Variants in AGBL4 observed in about 807,000 individuals in gnomAD.
AGBL4 encodes the protein cytosolic carboxypeptidase 6.
AGBL4 carries 58 observed loss-of-function variants against 66.4 expected under a neutral mutation model. That is an observed-to-expected ratio of 0.87 (90% CI 0.71 to 1.09). The LOEUF is 1.09. Among genes scored for constraint, AGBL4 ranks in the 50% least tolerant of loss-of-function variants. The pLI, the probability that AGBL4 is intolerant of heterozygous loss-of-function variation, is 0.00. For synonymous variants in AGBL4, 234 were observed against 222.9 expected (o/e 1.05, Z -0.44); for missense variants, 579 against 631.0 (o/e 0.92, Z 0.88).
At chr1:49,689,914 G>C (rs926628844) in intron 3 of AGBL4, among the ~76,000 whole-genome samples, 2 of 152,154 alleles carry the variant, frequency 1.3e-5, no homozygotes, top group African/African-American at 4.8e-5. Context: ...AATGCTATCA[G>C]AGAGCTTCAC....
At chr1:48,563,117 A>T (rs114827352) in intron 11 of AGBL4, among the ~76,000 whole-genome samples, 1 of 152,182 alleles carries the variant, frequency 6.6e-6, no homozygotes, top group Non-Finnish European at 1.5e-5. Flanking sequence ...GGCTGTGCCC[A>T]CTGTGGAAAG....
intron 1 of AGBL4, among the ~76,000 whole-genome samples, chr1:49,921,981 C>CCTA (rs1376549590): frequency 6.6e-6 from 1 of 152,190 alleles, no homozygotes; most frequent in African/African-American, 2.4e-5. Context: ...AATCCAATCA[C>CCTA]ATTGACACCT....
intron 3 of AGBL4, 186 bp downstream of exon 3, chr1:49,697,127 C>G: frequency 1.9e-6 from 1 of 527,802 alleles, no homozygotes; most frequent in Non-Finnish European, 3.2e-6. Flanking sequence ...ATTTAATAAC[C>G]ATCAGATAAC....
chr1:49,075,140 T>C (rs942204918), intron 4 of AGBL4, among the ~76,000 whole-genome samples: 2 of 152,238 alleles, frequency 1.3e-5, no homozygotes, highest in African/African-American at 2.4e-5. Context: ...AACATTTGTG[T>C]ATACGTTCAT....
At chr1:48,995,647 G>T (rs1490963353) in intron 5 of AGBL4, among the ~76,000 whole-genome samples, 2 of 152,212 alleles carry the variant, frequency 1.3e-5, no homozygotes, top group Non-Finnish European at 2.9e-5. Context: ...ATTCTCTGAG[G>T]AGGAGACCCA....
intron 6 of AGBL4, among the ~76,000 whole-genome samples, chr1:48,731,703 G>A (rs941953844): frequency 1.3e-5 from 2 of 152,180 alleles, no homozygotes; most frequent in Non-Finnish European, 2.9e-5. Context: ...AGGGAACAAG[G>A]CTTGTTCACG....
chr1:48,925,088 A>G (rs1654417451), intron 5 of AGBL4, among the ~76,000 whole-genome samples: 1 of 151,904 alleles, frequency 6.6e-6, no homozygotes, highest in African/African-American at 2.4e-5. Context: ...ACCATTATAA[A>G]GTCAAAAAAG....
chr1:49,557,204 C>T (rs1643924580), intron 3 of AGBL4, among the ~76,000 whole-genome samples: 1 of 151,890 alleles, frequency 6.6e-6, no homozygotes, highest in Admixed American at 6.6e-5. Context: ...CCAGAGCGGA[C>T]GCTGAGGCCT....
At chr1:49,112,581 C>T (rs1245176070) in intron 4 of AGBL4, among the ~76,000 whole-genome samples, 2 of 152,352 alleles carry the variant, frequency 1.3e-5, no homozygotes, top group East Asian at 3.9e-4. Context: ...ACTCAATCCT[C>T]TCAAACCCTG....
At chr1:49,669,090 C>A (rs548104908) in intron 3 of AGBL4, among the ~76,000 whole-genome samples, 3 of 152,184 alleles carry the variant, frequency 2.0e-5, no homozygotes, top group African/African-American at 7.2e-5. Flanking sequence ...ATCTTTACAA[C>A]ATAGTGTGCA....
At chr1:49,943,269 A>C (rs1654927425) in intron 1 of AGBL4, among the ~76,000 whole-genome samples, 1 of 152,194 alleles carries the variant, frequency 6.6e-6, no homozygotes, top group South Asian at 2.1e-4. Flanking sequence ...GGATCATGGC[A>C]GATGGGAGGC....
At chr1:48,768,075 T>C (rs977813086) in intron 6 of AGBL4, among the ~76,000 whole-genome samples, 1 of 152,220 alleles carries the variant, frequency 6.6e-6, no homozygotes, top group African/African-American at 2.4e-5. Context: ...AAATCAAGTC[T>C]GTTTAATACA....
intron 11 of AGBL4, among the ~76,000 whole-genome samples, chr1:48,574,839 C>T (rs1405928976): frequency 6.6e-6 from 1 of 152,114 alleles, no homozygotes; most frequent in Admixed American, 6.5e-5. Context: ...TAAGAAATCC[C>T]AGACAGGCAG....
intron 5 of AGBL4, among the ~76,000 whole-genome samples, chr1:48,889,151 A>G (rs149241017): frequency 1.3e-5 from 2 of 152,360 alleles, no homozygotes; most frequent in Admixed American, 1.3e-4. Flanking sequence ...AGCACAAAGA[A>G]AAGCATTCTT....
At chr1:49,563,068 G>A (rs1415791431) in intron 3 of AGBL4, among the ~76,000 whole-genome samples, 2 of 151,978 alleles carry the variant, frequency 1.3e-5, no homozygotes, top group Non-Finnish European at 2.9e-5. Flanking sequence ...TCTCTTTGAA[G>A]CAATTGTGAA....
chr1:49,623,786 C>A (rs1645412094), intron 3 of AGBL4, among the ~76,000 whole-genome samples: 1 of 152,188 alleles, frequency 6.6e-6, no homozygotes, highest in African/African-American at 2.4e-5. Flanking sequence ...ACTAGGACTA[C>A]CACTTTTAAA....
At chr1:49,398,845 A>G (rs1645025978) in intron 3 of AGBL4, among the ~76,000 whole-genome samples, 1 of 152,238 alleles carries the variant, frequency 6.6e-6, no homozygotes, top group Non-Finnish European at 1.5e-5. Context: ...TGTTACAAAC[A>G]ATCCAATTGT....
intron 2 of AGBL4, among the ~76,000 whole-genome samples, chr1:49,780,586 A>G (rs1357307807): frequency 6.6e-6 from 1 of 152,176 alleles, no homozygotes; most frequent in East Asian, 1.9e-4. Flanking sequence ...ATTTTAAAAT[A>G]GCACAAAAGG....
chr1:49,666,393 C>T (rs981013106), intron 3 of AGBL4, among the ~76,000 whole-genome samples: 1 of 151,980 alleles, frequency 6.6e-6, no homozygotes, highest in African/African-American at 2.4e-5. Context: ...TGGTGAAACC[C>T]TGTCTCTACT....
Sources: allele counts gnomAD v4.1 joint callset (sites outside exome capture counted in the v4.1 genomes callset), GRCh38; gene constraint gnomAD v4.1.1; transcripts MANE v1.5; gene names NCBI Gene and HGNC (gene_info 2026-07-23, HGNC 2026-07-21).